The following DCUN1D3 variants were observed in gnomAD, a reference collection of about 807,000 sequenced individuals.
DCUN1D3 encodes the protein DCN1-like protein 3.
Under a neutral mutation model 24.8 loss-of-function variants are expected in DCUN1D3, and 6 were observed. The observed-to-expected ratio is 0.24, with a 90% CI of 0.13 to 0.48. DCUN1D3 has a LOEUF of 0.48. DCUN1D3 is among the 20% of genes least tolerant of loss of function. The pLI, the probability that DCUN1D3 is intolerant of heterozygous loss-of-function variation, is 0.99. For synonymous variants in DCUN1D3, 120 were observed against 144.9 expected, an observed-to-expected ratio of 0.83 and a Z score of 1.24; for missense variants, 258 against 379.4, an observed-to-expected ratio of 0.68 and a Z score of 2.66.
chr16:20,896,176 C>A (rs1037427406), intron 1 of DCUN1D3: 2 of 152,116 alleles, frequency 1.3e-5, no homozygotes, highest in African/African-American at 4.8e-5. Context: ...CATTTTTTTA[C>A]TAACAATATT....
chr16:20,868,761 T>C (rs1038512195), intron 1 of DCUN1D3: 12 of 151,908 alleles, frequency 7.9e-5, no homozygotes, highest in Admixed American at 2.6e-4. Flanking sequence ...CACAAATGGG[T>C]TGAATGGAGC....
intron 1 of DCUN1D3, among the ~76,000 whole-genome samples, chr16:20,889,162 T>C (rs1414815692): frequency 6.1e-5 from 9 of 148,230 alleles, no homozygotes; most frequent in Non-Finnish European, 1.3e-4. Context: ...GAGGCGGAGG[T>C]TGCAGTGAGC....
At chr16:20,867,242 A>G (rs984229128) in intron 1 of DCUN1D3, among the ~76,000 whole-genome samples, 1 of 152,174 alleles carries the variant, frequency 6.6e-6, no homozygotes, top group Non-Finnish European at 1.5e-5. Context: ...CCAGCAAAGC[A>G]TCTAGAGAGA....
intron 2 of DCUN1D3, among the ~76,000 whole-genome samples, chr16:20,861,292 C>A (rs990892211): frequency 2.0e-5 from 3 of 151,896 alleles, no homozygotes; most frequent in Admixed American, 1.3e-4. Context: ...TTGGTACTCA[C>A]AGTGCAAGTG....
At chr16:20,888,948 C>G (rs2081879238) in intron 1 of DCUN1D3, among the ~76,000 whole-genome samples, 1 of 152,018 alleles carries the variant, frequency 6.6e-6, no homozygotes, top group African/African-American at 2.4e-5. Context: ...TTAGCCAGGG[C>G]CAGGCACAGT....
At chr16:20,879,402 T>G (rs2081831739) in intron 1 of DCUN1D3, among the ~76,000 whole-genome samples, 1 of 152,154 alleles carries the variant, frequency 6.6e-6, no homozygotes, top group African/African-American at 2.4e-5. Context: ...GCAGCAACAA[T>G]CTACAAGACA....
intron 1 of DCUN1D3, among the ~76,000 whole-genome samples, chr16:20,878,400 T>A (rs1480673606): frequency 6.6e-6 from 1 of 152,046 alleles, no homozygotes; most frequent in Non-Finnish European, 1.5e-5. Context: ...TTAGAAAAAA[T>A]TCACATTAAT....
intron 1 of DCUN1D3, among the ~76,000 whole-genome samples, chr16:20,889,522 G>A (rs1168742308): frequency 6.6e-6 from 1 of 152,144 alleles, no homozygotes; most frequent in Admixed American, 6.5e-5. Flanking sequence ...ATTGAAGGAG[G>A]AATTTGCTGC....
chr16:20,887,535 AG>A (rs879416867), intron 1 of DCUN1D3, among the ~76,000 whole-genome samples: 2 of 152,208 alleles, frequency 1.3e-5, no homozygotes, highest in Non-Finnish European at 2.9e-5. Flanking sequence ...GATCTGCCCA[AG>A]GAAAAGCAGC....
Position 20,860,050 on chromosome 16 carries a change from G to A in DCUN1D3, c.751C>T (p.Gln251Ter). ...DTWNMFLNFT[Q>*]VIGPDLSNYS... is the part of the protein sequence containing the mutation. ...TTGCTGAGGTCAGGGCCAATCACCT[G>A]AGTGAAGTTAAGGAACATGTTCCAA... The change falls in exon 3 of 3, where the codon CAG (glutamine) becomes TAG (stop). Residue 251 changes from glutamine to a stop codon, truncating the protein, a stop_gained. Coordinates refer to ENST00000324344, the MANE Select transcript of DCUN1D3 (RefSeq NM_173475.4). LOFTEE classifies it high-confidence loss of function. The surrounding 1 kb of genome is among the most constrained non-coding windows in gnomAD (Gnocchi z 4.3). 6.2e-7 allele frequency: 1 copy of A among 1,614,244 alleles called. No individual in the cohort carries two copies.
chr16:20,888,197 G>A (rs2081875774), intron 1 of DCUN1D3, among the ~76,000 whole-genome samples: 2 of 152,216 alleles, frequency 1.3e-5, no homozygotes, highest in African/African-American at 4.8e-5. Context: ...GCATAGCAAT[G>A]GATGCCATGT....
intron 2 of DCUN1D3, among the ~76,000 whole-genome samples, chr16:20,861,305 T>C (rs916725907): frequency 6.8e-6 from 1 of 147,066 alleles, no homozygotes; most frequent in African/African-American, 2.5e-5. Flanking sequence ...TGCAAGTGGC[T>C]TCATGGAGGG....
chr16:20,858,928 AG>A lies in DCUN1D3; in HGVS notation c.*957del. The A allele has an allele frequency of 6.8e-6, 1 of 146,836 alleles. No homozygotes were observed. Among genetic ancestry groups the A allele is most frequent in the South Asian group, 2.4e-4 (1 of 4,200 alleles). 9.1% of individuals were successfully genotyped at this position (146,836 alleles called of 1,614,324 possible). A position where few individuals can be genotyped will look rare whatever the true frequency, so the allele number is the denominator to read the frequency against. ...GCCGGCAGGCAGTTTCCCGACCACC[AG>A]GAACAGAAACTTTGGCTCCAAGGCA... On this transcript the variant is annotated 3_prime_UTR_variant, in exon 3 of 3. Transcript: ENST00000324344.
chr16:20,869,372 G>C (rs925340265), intron 1 of DCUN1D3, among the ~76,000 whole-genome samples: 1 of 152,226 alleles, frequency 6.6e-6, no homozygotes, highest in Non-Finnish European at 1.5e-5. Flanking sequence ...GGTAGGGAGG[G>C]ACTGGGGACG....
intron 1 of DCUN1D3, among the ~76,000 whole-genome samples, chr16:20,894,394 A>G (rs965630061): frequency 1.3e-5 from 2 of 152,166 alleles, no homozygotes; most frequent in African/African-American, 4.8e-5. Context: ...CTCAAAAATG[A>G]AGAGTCCCAC....
rs770377087 is a variant in DCUN1D3, at chr16:20,860,128, G to C, written c.673C>G (p.Leu225Val). The part of the protein sequence containing the change: ...QNNPPVLDQW[L>V]NFLTENPSGI... Reference sequence around the variant, plus strand: ...GAGGGGTTCTCTGTTAGGAAGTTTAGCCATTGGTCCAATACCGGAGGATTG... The same window carrying C: ...GAGGGGTTCTCTGTTAGGAAGTTTACCCATTGGTCCAATACCGGAGGATTG... The change falls in exon 3 of 3, where the codon CTA becomes GTA. Residue 225 changes from leucine (L) to valine (V), a missense_variant. Physicochemically the swap from Leu to Val is conservative, Grantham distance 32. Transcript: ENST00000324344. This position sits in a 1 kb window ranked among gnomAD's most constrained non-coding sequence, Gnocchi z 4.3. 2.6e-5 allele frequency: 42 copies of C among 1,614,254 alleles called. No homozygotes were observed. The highest frequency in any genetic ancestry group is 3.6e-5 in the Non-Finnish European group (42 of 1,180,048).
intron 1 of DCUN1D3, among the ~76,000 whole-genome samples, chr16:20,891,013 A>G (rs961807397): frequency 6.7e-6 from 1 of 148,812 alleles, no homozygotes; most frequent in Non-Finnish European, 1.5e-5. Flanking sequence ...TTTTTTTTTG[A>G]GATGGAGTCT....
At chr16:20,881,889 G>A (rs563333367) in intron 1 of DCUN1D3, among the ~76,000 whole-genome samples, 3 of 152,040 alleles carry the variant, frequency 2.0e-5, no homozygotes, top group South Asian at 2.1e-4. Context: ...TGCAACCTCC[G>A]CCTCCCAGGT....
intron 1 of DCUN1D3, among the ~76,000 whole-genome samples, chr16:20,887,695 G>A (rs1373864504): frequency 6.6e-6 from 1 of 152,202 alleles, no homozygotes; most frequent in East Asian, 1.9e-4. Flanking sequence ...CAGTCAGGAA[G>A]CCCTTTTGCA....
Sources: allele counts gnomAD v4.1 joint callset (sites outside exome capture counted in the v4.1 genomes callset), GRCh38; gene constraint gnomAD v4.1.1; non-coding constraint Gnocchi (gnomAD v3.1); transcripts MANE v1.5; gene names NCBI Gene and HGNC (gene_info 2026-07-23, HGNC 2026-07-21).